CES2: variants seen among roughly 807,000 people sequenced by gnomAD.
CES2 encodes the protein cocaine esterase.
CES2 carries 42 observed loss-of-function variants against 52.1 expected under a neutral mutation model. The ratio of observed to expected loss-of-function variants is 0.81; its 90% CI spans 0.63 to 1.04. CES2 has a LOEUF of 1.04. CES2 is among the 50% of genes least tolerant of loss of function. The pLI, the probability that CES2 is intolerant of heterozygous loss-of-function variation, is 0.00. For missense variants in CES2, 656 were observed against 724.3 expected (o/e 0.91, Z 1.08); for synonymous variants, 277 against 289.6 (o/e 0.96, Z 0.44).
upstream of CES2, chr16:66,935,368 C>T (rs530131058): frequency 1.1e-5 from 16 of 1,463,458 alleles, no homozygotes; most frequent in Middle Eastern, 1.8e-4. Context: ...CAGCCCCTTC[C>T]GAGGATGCCA....
chr16:66,935,751 A>T, intron 1 of CES2, 40 bp downstream of exon 1: 3 of 1,598,560 alleles, frequency 1.9e-6, no homozygotes, highest in Non-Finnish European at 2.5e-6. Context: ...CCGGGCTCAG[A>T]TCTGCCAAAT....
Position 66,938,257 on chromosome 16 carries a change from G to A in CES2, c.281+16G>A. The A allele has an allele frequency of 6.3e-7, 1 of 1,597,672 alleles. No homozygotes were observed. The highest frequency in any genetic ancestry group is 1.1e-5 in the South Asian group (1 of 90,744). On this transcript the variant is annotated intron_variant, in intron 2 of 11. Coordinates refer to ENST00000317091, the MANE Select transcript of CES2 (RefSeq NM_001365405.1). ...ATCCGGCCATGTAAGCTCTCCAAGG[G>A]GTCCAGGGAACTCCAGGCCCTGGGG...
chr16:66,938,220 A>T lies in CES2; in HGVS notation c.260A>T (p.Asp87Val). 5.0e-6 allele frequency: 8 copies of T among 1,613,870 alleles called. No individual in the cohort carries two copies. Among genetic ancestry groups the T allele is most frequent in the Non-Finnish European group, 6.8e-6 (8 of 1,179,778 alleles). Reference sequence around the variant, plus strand: ...CCTGAATCTTGGAGTGGTGTGAGGGATGGAACCACCCATCCGGCCATGTAA... The same window carrying T: ...CCTGAATCTTGGAGTGGTGTGAGGGTTGGAACCACCCATCCGGCCATGTAA... ...EPPESWSGVRDGTTHPAMCLQ... is the reference protein window; with the variant it reads ...EPPESWSGVRVGTTHPAMCLQ... Residue 87 changes from aspartate (D) to valine (V), a missense_variant, in exon 2 of 12, where the codon GAT becomes GTT. Coordinates refer to ENST00000317091, the MANE Select transcript of CES2 (RefSeq NM_001365405.1).
Position 66,941,188 on chromosome 16 carries a change from G to C in CES2, c.881G>C (p.Gly294Ala). The C allele has an allele frequency of 6.2e-7, 1 of 1,614,158 alleles. No homozygotes were observed. The highest frequency in any genetic ancestry group is 8.5e-7 in the Non-Finnish European group (1 of 1,180,016). ...DSEALVGCLR[G>A]KSKEEILAIN... Reference sequence around the variant, plus strand: ...GAGGCCCTGGTGGGCTGCCTGCGGGGCAAGAGTAAAGAGGAGATTCTTGCA... The same window carrying C: ...GAGGCCCTGGTGGGCTGCCTGCGGGCCAAGAGTAAAGAGGAGATTCTTGCA... The change falls in exon 6 of 12, where the codon GGC (glycine) becomes GCC (alanine). Residue 294 changes from glycine to alanine, a missense_variant. Coordinates refer to ENST00000317091, the MANE Select transcript of CES2 (RefSeq NM_001365405.1).
chr16:66,938,819 T>A (rs976816451), intron 2 of CES2, among the ~76,000 whole-genome samples: 14 of 152,176 alleles, frequency 9.2e-5, no homozygotes, highest in Non-Finnish European at 1.9e-4. Flanking sequence ...CCCACTGCCC[T>A]TCTCATGAGA....
upstream of CES2, chr16:66,934,542 C>T (rs1453368115): frequency 1.9e-5 from 18 of 935,948 alleles, no homozygotes; most frequent in African/African-American, 3.3e-5. The surrounding 1 kb of genome is among the most constrained non-coding windows in gnomAD (Gnocchi z 4.1). Context: ...CTGCTCGGAC[C>T]CGGGAACATG....
rs555106648 is a variant in CES2, at chr16:66,942,769, C to T, written c.1404C>T (p.Phe468=). 5 of 1,614,226 alleles carry T rather than the reference C, an allele frequency of 3.1e-6. No individual in the cohort carries two copies. The African/African-American group carries it at 6.7e-5, about 22-fold the overall frequency. ...GDELPFVFRS[F]FGGNYIKFTE... ...AGCTTCCTTTTGTTTTCAGAAGTTTCTTTGGGGGCAACTACAGTGAGTCTT... is the reference window on the plus strand; with the variant it reads ...AGCTTCCTTTTGTTTTCAGAAGTTTTTTTGGGGGCAACTACAGTGAGTCTT... Residue 468 remains phenylalanine, a synonymous_variant, in exon 10 of 12, where the codon TTC becomes TTT. Coordinates refer to ENST00000317091, the MANE Select transcript of CES2 (RefSeq NM_001365405.1).
intron 1 of CES2, among the ~76,000 whole-genome samples, chr16:66,936,189 G>A (rs1405422059): frequency 6.6e-6 from 1 of 152,196 alleles, no homozygotes; most frequent in Non-Finnish European, 1.5e-5. Flanking sequence ...GGTCCTTGGG[G>A]AACAGAAGCC....
rs1963439615 is a variant in CES2, at chr16:66,944,314, A to G, written c.*289A>G. On this transcript the variant is annotated 3_prime_UTR_variant, in exon 12 of 12. Transcript: ENST00000317091. ...ACAGTGAGACCCCTTCTCAAAAAAA[A>G]AAAAAAAAAAGAGAGAGTGTGTGAT... 2 of 221,606 alleles carry G rather than the reference A, an allele frequency of 9.0e-6. No homozygotes were observed. Among genetic ancestry groups the G allele is most frequent in the Admixed American group, 6.1e-5 (1 of 16,476 alleles). The allele number at this position is 221,606 out of a possible 1,614,324, so 13.7% of individuals were successfully genotyped here. A position where few individuals can be genotyped will look rare whatever the true frequency, so the allele number is the denominator to read the frequency against.
chr16:66,942,193 A>G lies in CES2; in HGVS notation c.1226A>G (p.Glu409Gly), dbSNP rs377006917. The change falls in exon 9 of 12, where the codon GAG (glutamate) becomes GGG (glycine). Residue 409 changes from glutamate (E) to glycine (G), a missense_variant. Glu to Gly is a moderately conservative substitution (Grantham distance 98, BLOSUM62 -2). Transcript: ENST00000317091. ...DPQTLQAQFQ[E>G]MMADSMFVIP... is the part of the protein sequence containing the mutation. ...CAGACCCTCCAAGCGCAGTTCCAGG[A>G]GATGATGGCGGACTCCATGTTTGTG... The G allele has an allele frequency of 6.2e-7, 1 of 1,613,772 alleles. No homozygotes were observed. The highest frequency in any genetic ancestry group is 1.3e-5 in the African/African-American group (1 of 74,922).
chr16:66,935,460 G>T (rs62057932), upstream of CES2: 2 of 1,609,692 alleles, frequency 1.2e-6, no homozygotes, highest in African/African-American at 1.3e-5. Flanking sequence ...GCTCAGTCCC[G>T]CTCTCCTACC....
In CES2 at chr16:66,940,241, GT is replaced by G; in HGVS notation, c.444del (p.Gly149ValfsTer161). On this transcript the variant is annotated frameshift_variant, in exon 4 of 12. Transcript: ENST00000317091. LOFTEE classifies it high-confidence loss of function. ...CCCCAGGTGATGGTGTGGATCCACG[GT>G]GGTGCGCTTGTTTTTGGCATGGCTT... ...SNLPVMVWIHGGALVFGMASL... is the reference protein window; with the variant it reads ...SNLPVMVWIHXGALVFGMASL... 6.4e-7 allele frequency: 1 copy of G among 1,570,934 alleles called. No individual in the cohort carries two copies. Among genetic ancestry groups the G allele is most frequent in the Non-Finnish European group, 8.6e-7 (1 of 1,159,514 alleles).
Position 66,937,692 on chromosome 16 carries a change from A to G in CES2, c.77-345A>G, listed in dbSNP as rs549993992. On this transcript the variant is annotated intron_variant, in intron 1 of 11. Coordinates refer to ENST00000317091, the MANE Select transcript of CES2 (RefSeq NM_001365405.1). ...TTTGGACATGACATCCCTGAGGACA[A>G]GAAACTTGCCTGCCCAATTCCCACC... Among the ~76,000 whole-genome samples the G allele has an allele frequency of 1.8e-3, 281 of 152,320 alleles. 5 individuals carry two copies. Among genetic ancestry groups the G allele is most frequent in the African/African-American group, 6.5e-3 (270 of 41,570 alleles).
chr16:66,940,346 G>A lies in CES2; in HGVS notation c.548G>A (p.Gly183Asp), dbSNP rs1325007942. 2.5e-6 allele frequency: 4 copies of A among 1,614,062 alleles called. No homozygotes were observed. The African/African-American group carries it at 5.3e-5, about 22-fold the overall frequency. ...ATCCAGTACCGCCTGGGTGTCCTGG[G>A]CTTCTTCAGGTGAGACTAGGGCTGG... is the stretch of plus-strand genomic sequence containing the variant. The part of the protein sequence containing the change: ...VIIQYRLGVL[G>D]FFSTGDKHAT... Residue 183 changes from glycine (G) to aspartate (D), a missense_variant, in exon 4 of 12, where the codon GGC becomes GAC. Gly to Asp is a moderately conservative substitution (Grantham distance 94, BLOSUM62 -1). Coordinates refer to ENST00000317091, the MANE Select transcript of CES2 (RefSeq NM_001365405.1).
At position 66,942,112 on chromosome 16, in the gene CES2, C is replaced by T. The variant is rs541621090; in HGVS notation, c.1145C>T (p.Pro382Leu). ...CTGATCCACCTGGGGTAGATGTTGC[C>T]TCCTACATTTGGTGACCTGCTGAGG... is the stretch of plus-strand genomic sequence containing the variant. ...LQKMLTLLMLPPTFGDLLREE... is the reference protein window; with the variant it reads ...LQKMLTLLMLLPTFGDLLREE... The change falls in exon 9 of 12, where the codon CCT becomes CTT. Residue 382 changes from proline (P) to leucine (L), a missense_variant. Pro to Leu is a moderately conservative substitution (Grantham distance 98, BLOSUM62 -3). Transcript: ENST00000317091. 6.2e-7 allele frequency: 1 copy of T among 1,606,572 alleles called. No homozygotes were observed. The highest frequency in any genetic ancestry group is 2.2e-5 in the East Asian group (1 of 44,656).
intron 9 of CES2, 23 bp downstream of exon 9, chr16:66,942,272 C>A: frequency 6.3e-7 from 1 of 1,591,728 alleles, no homozygotes; most frequent in East Asian, 2.2e-5. Context: ...GGACCAAAGC[C>A]TGGCGGGCAG....
chr16:66,937,867 G>A (rs1963251519), intron 1 of CES2, among the ~76,000 whole-genome samples, 170 bp from the exon 2 acceptor site: 1 of 152,202 alleles, frequency 6.6e-6, no homozygotes, highest in Non-Finnish European at 1.5e-5. Flanking sequence ...ACAGGCCCAG[G>A]AAGCCAGAGC....
At chr16:66,934,638 A>G, upstream of CES2, 1 of 498,948 alleles carries the variant, frequency 2.0e-6, no homozygotes, top group Non-Finnish European at 3.5e-6. The surrounding 1 kb of genome is among the most constrained non-coding windows in gnomAD (Gnocchi z 4.1). Flanking sequence ...CGTAGAGGCC[A>G]GAACCAGGTC....
chr16:66,934,656 G>A (rs924039594), upstream of CES2: 12 of 417,698 alleles, frequency 2.9e-5, no homozygotes, highest in South Asian at 4.1e-5. This position sits in a 1 kb window ranked among gnomAD's most constrained non-coding sequence, Gnocchi z 4.1. Flanking sequence ...GTCTCAGGGG[G>A]CACTAAAGGC....
Sources: allele counts gnomAD v4.1 joint callset (sites outside exome capture counted in the v4.1 genomes callset), GRCh38; gene constraint gnomAD v4.1.1; non-coding constraint Gnocchi (gnomAD v3.1); transcripts MANE v1.5; gene names NCBI Gene and HGNC (gene_info 2026-07-23, HGNC 2026-07-21).